The following UBE3A variants were observed in gnomAD, a reference collection of about 807,000 sequenced individuals.
UBE3A encodes ubiquitin protein ligase E3A.
A neutral mutation model predicts 83.4 loss-of-function variants in UBE3A; 6 were observed. That is an observed-to-expected ratio of 0.07 (90% CI 0.04 to 0.14). The LOEUF is 0.14. Among genes scored for constraint, UBE3A ranks in the 10% least tolerant of loss-of-function variants. The probability of loss-of-function intolerance (pLI) is 1.00; values close to 1 mark genes in which losing one functional copy is unlikely to be tolerated. For missense variants in UBE3A, 456 were observed against 1,036.1 expected, an observed-to-expected ratio of 0.44 and a Z score of 7.69; for synonymous variants, 337 against 355.4, an observed-to-expected ratio of 0.95 and a Z score of 0.58.
At chr15:25,380,477 C>G (rs2081990234) in intron 4 of UBE3A, among the ~76,000 whole-genome samples, 1 of 152,046 alleles carries the variant, frequency 6.6e-6, no homozygotes, top group Non-Finnish European at 1.5e-5. Context: ...ATCATTTGGC[C>G]TCTTAACTCT....
At chr15:25,434,918 T>TA (rs1472671766) in intron 1 of UBE3A, among the ~76,000 whole-genome samples, 2 of 151,012 alleles carry the variant, frequency 1.3e-5, no homozygotes, top group Admixed American at 6.6e-5. Flanking sequence ...CCCCCAAAAT[T>TA]AGAGTATTTG....
At chr15:25,372,350 G>C (rs887540995) in intron 5 of UBE3A, among the ~76,000 whole-genome samples, 9 of 152,056 alleles carry the variant, frequency 5.9e-5, no homozygotes, top group Admixed American at 5.2e-4. Context: ...TTTGTTCCAG[G>C]GTAGTCATTC....
At chr15:25,415,225 C>T (rs183495266) in intron 1 of UBE3A, among the ~76,000 whole-genome samples, 26 of 152,254 alleles carry the variant, frequency 1.7e-4, no homozygotes, top group African/African-American at 6.3e-4. Context: ...CTCAACTTTG[C>T]CACTAGAATT....
At chr15:25,357,823 G>A (rs1254971261) in intron 7 of UBE3A, among the ~76,000 whole-genome samples, 1 of 151,590 alleles carries the variant, frequency 6.6e-6, no homozygotes, top group African/African-American at 2.4e-5. Flanking sequence ...TTAATTATGG[G>A]CCAATACGTA....
chr15:25,403,228 T>C (rs2087612914), intron 4 of UBE3A, among the ~76,000 whole-genome samples: 2 of 152,232 alleles, frequency 1.3e-5, no homozygotes, highest in Non-Finnish European at 2.9e-5. Flanking sequence ...TGATTTCAGG[T>C]AGCCAGCCAG....
intron 4 of UBE3A, among the ~76,000 whole-genome samples, chr15:25,378,443 G>A (rs1304165659): frequency 6.6e-6 from 1 of 152,112 alleles, no homozygotes; most frequent in Non-Finnish European, 1.5e-5. Context: ...TAATAGGGAG[G>A]TGAGCAAGAA....
In UBE3A at chr15:25,356,718, A is replaced by T; in HGVS notation, c.1932T>A (p.Thr644=). 1.2e-6 allele frequency: 2 copies of T among 1,613,468 alleles called. No homozygotes were observed. Among genetic ancestry groups the T allele is most frequent in the Non-Finnish European group, 1.7e-6 (2 of 1,179,890 alleles). The change falls in exon 8 of 13, where the codon ACT becomes ACA. Residue 644 remains threonine, a synonymous_variant. Coordinates refer to ENST00000648336, the MANE Select transcript of UBE3A (RefSeq NM_130839.5). ...VYRKLMGKKG[T]FRDLGDSHPV... Reference sequence around the variant, plus strand: ...GGTGAGAGTCTCCCAAGTCACGAAAAGTTCCTTTTTTCCCCATTAGCTTCC... The same window carrying T: ...GGTGAGAGTCTCCCAAGTCACGAAATGTTCCTTTTTTCCCCATTAGCTTCC...
At chr15:25,378,004 G>T (rs370025510) in intron 4 of UBE3A, among the ~76,000 whole-genome samples, 2 of 152,054 alleles carry the variant, frequency 1.3e-5, no homozygotes, top group African/African-American at 4.8e-5. Flanking sequence ...TCCATCTTTT[G>T]ATTTCTTATT....
chr15:25,407,144 A>T, intron 3 of UBE3A: 1 of 1,350,228 alleles, frequency 7.4e-7, no homozygotes, highest in East Asian at 4.6e-5. Flanking sequence ...AGAGCTAAAA[A>T]TTGATGATAA....
chr15:25,347,151 GAAA>G (rs2075812381), intron 11 of UBE3A: 1 of 152,140 alleles, frequency 6.6e-6, no homozygotes, highest in Non-Finnish European at 1.5e-5. Context: ...AAAAATAATG[GAAA>G]TAGCAGAAAC....
chr15:25,379,346 T>C (rs1388115760), intron 4 of UBE3A, among the ~76,000 whole-genome samples: 2 of 152,152 alleles, frequency 1.3e-5, no homozygotes, highest in Admixed American at 6.5e-5. Flanking sequence ...ACATAAGTCA[T>C]ACATCTAATA....
chr15:25,415,008 C>T (rs187060673), intron 1 of UBE3A, among the ~76,000 whole-genome samples: 4 of 152,118 alleles, frequency 2.6e-5, no homozygotes. Flanking sequence ...AGCTTTCAGT[C>T]CTTTAGTAAA....
intron 11 of UBE3A, among the ~76,000 whole-genome samples, chr15:25,349,492 A>G (rs145223565): frequency 0.011 from 1,607 of 152,260 alleles, 22 homozygotes; most frequent in Middle Eastern, 0.034. Context: ...CTTATCAGAA[A>G]TGGGCCTTTT....
intron 1 of UBE3A, among the ~76,000 whole-genome samples, chr15:25,436,206 G>C (rs1260087486): frequency 6.6e-6 from 1 of 152,164 alleles, no homozygotes; most frequent in Admixed American, 6.5e-5. Context: ...AACATAAAAA[G>C]AGCACCTAAG....
intron 11 of UBE3A, among the ~76,000 whole-genome samples, chr15:25,343,653 T>C (rs758851828): frequency 6.6e-6 from 1 of 152,006 alleles, no homozygotes; most frequent in Non-Finnish European, 1.5e-5. Flanking sequence ...TACATAAACA[T>C]AAAACCTTTC....
At chr15:25,348,775 A>C (rs756233150) in intron 11 of UBE3A, among the ~76,000 whole-genome samples, 12 of 152,206 alleles carry the variant, frequency 7.9e-5, no homozygotes, top group Non-Finnish European at 1.5e-4. Flanking sequence ...TTCAACATTA[A>C]AAACTATAAA....
At chr15:25,354,746 T>C (rs1049772594) in intron 9 of UBE3A, 63 bp from the exon 10 acceptor site, 137 of 1,448,710 alleles carry the variant, frequency 9.5e-5, no homozygotes, top group Non-Finnish European at 1.2e-4. Context: ...ACACAAGTTA[T>C]TGGGCTGCAT....
intron 11 of UBE3A, chr15:25,346,465 C>T (rs906874989): frequency 3.3e-5 from 5 of 152,038 alleles, no homozygotes; most frequent in Admixed American, 6.5e-5. Flanking sequence ...GATATAATAA[C>T]TAAAATGTCC....
chr15:25,425,618 C>G (rs546779537), intron 1 of UBE3A, among the ~76,000 whole-genome samples: 3 of 151,940 alleles, frequency 2.0e-5, no homozygotes, highest in Non-Finnish European at 4.4e-5. Context: ...TTTCCCTCTA[C>G]AGTTAAACAC....
Sources: allele counts gnomAD v4.1 joint callset (sites outside exome capture counted in the v4.1 genomes callset), GRCh38; gene constraint gnomAD v4.1.1; transcripts MANE v1.5; gene names NCBI Gene and HGNC (gene_info 2026-07-23, HGNC 2026-07-21).